LHFPL3: variants seen among roughly 807,000 people sequenced by gnomAD.
LHFPL3 encodes LHFPL tetraspan subfamily member 3 protein.
Under a neutral mutation model 19.3 loss-of-function variants are expected in LHFPL3, and 5 were observed. The observed-to-expected ratio is 0.26, with a 90% CI of 0.14 to 0.54. LHFPL3 has a LOEUF of 0.54. Among genes scored for constraint, LHFPL3 ranks in the 20% least tolerant of loss-of-function variants. LHFPL3 has a pLI of 0.94. For synonymous variants in LHFPL3, 133 were observed against 126.2 expected, an observed-to-expected ratio of 1.05 and a Z score of -0.36; for missense variants, 249 against 307.4, an observed-to-expected ratio of 0.81 and a Z score of 1.42.
chr7:104,716,563 ATCTTAT>A (rs1793390278), intron 1 of LHFPL3, among the ~76,000 whole-genome samples: 1 of 152,212 alleles, frequency 6.6e-6, no homozygotes, highest in Non-Finnish European at 1.5e-5. Context: ...TAGGAAGACA[ATCTTAT>A]TTATAATAGT....
intron 2 of LHFPL3, among the ~76,000 whole-genome samples, chr7:104,749,632 G>A (rs527366899): frequency 3.5e-4 from 53 of 152,208 alleles, no homozygotes; most frequent in Admixed American, 1.9e-3. Flanking sequence ...GAATTACGGC[G>A]TTTACGGCCC....
intron 2 of LHFPL3, among the ~76,000 whole-genome samples, chr7:104,807,009 A>ATGTGTGTGTGTG (rs750104248): frequency 5.9e-4 from 42 of 71,356 alleles, no homozygotes; most frequent in South Asian, 5.9e-4. Context: ...ACCAAAATAT[A>ATGTGTGTGTGTG]TATGTGTGTG....
intron 1 of LHFPL3, among the ~76,000 whole-genome samples, chr7:104,501,244 A>G (rs1019385871): frequency 6.6e-6 from 1 of 152,178 alleles, no homozygotes; most frequent in Non-Finnish European, 1.5e-5. Context: ...ACTCTTTACA[A>G]TGTAATAAAC....
At chr7:104,775,774 C>T (rs1436075794) in intron 2 of LHFPL3, among the ~76,000 whole-genome samples, 1 of 152,040 alleles carries the variant, frequency 6.6e-6, no homozygotes, top group Non-Finnish European at 1.5e-5. Context: ...CACCCAACAA[C>T]TAACAATCTT....
chr7:104,893,455 G>A (rs1792292307), intron 2 of LHFPL3, among the ~76,000 whole-genome samples: 1 of 151,900 alleles, frequency 6.6e-6, no homozygotes, highest in South Asian at 2.1e-4. Context: ...CTAGGAGGTG[G>A]AGGTTGCAGT....
intron 2 of LHFPL3, among the ~76,000 whole-genome samples, chr7:104,819,431 G>A (rs1263436320): frequency 1.3e-5 from 2 of 149,248 alleles, no homozygotes; most frequent in East Asian, 2.0e-4. Flanking sequence ...ATCCTTGCAC[G>A]AGAGCCTCCT....
rs1007254 is a variant in LHFPL3, at chr7:104,513,604, G to A, written c.445+184380G>A. 9.7e-3 allele frequency among the ~76,000 whole-genome samples: 1,473 copies of A among 152,294 alleles called. 26 individuals are homozygous for A. Among genetic ancestry groups the A allele is most frequent in the African/African-American group, 0.034 (1,409 of 41,552 alleles). On this transcript the variant is annotated intron_variant, in intron 1 of 2. Coordinates refer to ENST00000424859, the MANE Select transcript of LHFPL3 (RefSeq NM_199000.3). ...ATGGTCAGTCCTAATGCATCAAGCG[G>A]AGGCAATAATTAAAGACGGAGAATG...
intron 2 of LHFPL3, among the ~76,000 whole-genome samples, chr7:104,859,285 A>G (rs144990176): frequency 3.2e-4 from 48 of 151,936 alleles, no homozygotes; most frequent in African/African-American, 9.7e-4. Flanking sequence ...AAAAACAAAA[A>G]ACCAAAATCT....
At chr7:104,726,938 C>T (rs983830820) in intron 1 of LHFPL3, among the ~76,000 whole-genome samples, 4 of 152,158 alleles carry the variant, frequency 2.6e-5, no homozygotes, top group African/African-American at 7.2e-5. Context: ...AACTAATTTA[C>T]ATTCTCACCA....
At chr7:104,658,150 C>A (rs925971654) in intron 1 of LHFPL3, among the ~76,000 whole-genome samples, 3 of 152,180 alleles carry the variant, frequency 2.0e-5, no homozygotes, top group African/African-American at 7.2e-5. Flanking sequence ...TTAATGCTGA[C>A]TTGGTCAGAT....
At chr7:104,833,063 A>ATT (rs1351048169) in intron 2 of LHFPL3, among the ~76,000 whole-genome samples, 1 of 71,586 alleles carries the variant, frequency 1.4e-5, no homozygotes, top group South Asian at 3.7e-4. Context: ...TATTATATAT[A>ATT]ATATATATAT....
At chr7:104,717,250 G>A (rs1161164514) in intron 1 of LHFPL3, among the ~76,000 whole-genome samples, 4 of 152,094 alleles carry the variant, frequency 2.6e-5, no homozygotes, top group African/African-American at 9.7e-5. Context: ...TCTTGGCAAT[G>A]ATTTTATGAA....
chr7:104,370,751 G>A lies in LHFPL3; in HGVS notation c.445+41527G>A, dbSNP rs185680950. ...CAAAAAATTAGCTGGGTGTGGTGGC[G>A]GGCGCCTGTAATCCCAGCTACTCAG... On this transcript the variant is annotated intron_variant, in intron 1 of 2. Transcript: ENST00000424859. 5.9e-5 allele frequency among the ~76,000 whole-genome samples: 9 copies of A among 152,112 alleles called. No homozygotes were observed. In the East Asian group the frequency reaches 1.2e-3, roughly 20 times the overall value.
intron 1 of LHFPL3, among the ~76,000 whole-genome samples, chr7:104,530,373 G>A (rs1019377773): frequency 1.3e-5 from 2 of 152,180 alleles, no homozygotes; most frequent in African/African-American, 4.8e-5. Context: ...ATGTCCTAGA[G>A]AGTGGTTTTC....
chr7:104,707,656 G>GT lies in LHFPL3; in HGVS notation c.446-29012dup, dbSNP rs1318209654. Among the ~76,000 whole-genome samples, 11 of 152,112 alleles carry GT rather than the reference G, an allele frequency of 7.2e-5. No individual in the cohort carries two copies. In the East Asian group the frequency reaches 1.9e-3, roughly 27 times the overall value. On this transcript the variant is annotated intron_variant, in intron 1 of 2. Transcript: ENST00000424859. ...GGGCATCTTCCATTTTCCTAGTAGT[G>GT]TTTTTTTGTGTATTTTTCTTTATAC...
intron 1 of LHFPL3, among the ~76,000 whole-genome samples, chr7:104,605,805 T>G (rs931061157): frequency 1.3e-4 from 19 of 151,838 alleles, no homozygotes; most frequent in Admixed American, 9.2e-4. Context: ...AACATCAGAC[T>G]GTTACATTTA....
At chr7:104,554,622 T>C (rs1794723645) in intron 1 of LHFPL3, among the ~76,000 whole-genome samples, 1 of 148,574 alleles carries the variant, frequency 6.7e-6, no homozygotes, top group African/African-American at 2.5e-5. Context: ...GCAGAACTAA[T>C]AGGATAGATT....
At chr7:104,639,995 C>G (rs1389724072) in intron 1 of LHFPL3, among the ~76,000 whole-genome samples, 1 of 152,114 alleles carries the variant, frequency 6.6e-6, no homozygotes, top group African/African-American at 2.4e-5. Context: ...TATACAGTGC[C>G]AGCATCTGTC....
chr7:104,642,094 G>A (rs535383506), intron 1 of LHFPL3, among the ~76,000 whole-genome samples: 12 of 145,546 alleles, frequency 8.2e-5, no homozygotes, highest in African/African-American at 1.8e-4. Context: ...CTGGAGTGCA[G>A]TGGTGCAATC....
Sources: gnomAD v4.1 joint callset for allele counts (sites outside exome capture counted in the v4.1 genomes callset) on GRCh38, gnomAD v4.1.1 for gene constraint, MANE v1.5 for transcripts, NCBI Gene and HGNC (gene_info 2026-07-23, HGNC 2026-07-21) for gene names.